The following GRM7 variants were observed in gnomAD, a reference collection of about 807,000 sequenced individuals.
The protein encoded by GRM7 is metabotropic glutamate receptor 7.
A neutral mutation model predicts 84.5 loss-of-function variants in GRM7; 35 were observed. That is an observed-to-expected ratio of 0.41 (90% CI 0.32 to 0.55). The LOEUF is 0.55. Ranked by LOEUF, GRM7 falls within the 20% of genes least tolerant of loss-of-function variation. GRM7 has a pLI of 0.19. For synonymous variants in GRM7, 487 were observed against 455.1 expected (o/e 1.07, Z -0.89); for missense variants, 1,003 against 1,194.6 (o/e 0.84, Z 2.36).
At chr3:7,540,768 C>G (rs906075249) in intron 7 of GRM7, among the ~76,000 whole-genome samples, 1 of 152,074 alleles carries the variant, frequency 6.6e-6, no homozygotes, top group Non-Finnish European at 1.5e-5. Context: ...AAAATAGACT[C>G]CCTGAGAAAT....
At chr3:7,586,805 C>T (rs1360923651) in intron 8 of GRM7, among the ~76,000 whole-genome samples, 1 of 152,136 alleles carries the variant, frequency 6.6e-6, no homozygotes, top group East Asian at 1.9e-4. Flanking sequence ...CAGACTCTGT[C>T]TCAAAAAAAC....
intron 1 of GRM7, among the ~76,000 whole-genome samples, chr3:7,000,048 T>G (rs1009089032): frequency 1.3e-5 from 2 of 152,326 alleles, no homozygotes; most frequent in Admixed American, 6.5e-5. Flanking sequence ...ATATGCTGTA[T>G]GAATATAACA....
intron 2 of GRM7, among the ~76,000 whole-genome samples, chr3:7,212,475 A>G (rs1696463791): frequency 6.6e-6 from 1 of 152,202 alleles, no homozygotes; most frequent in African/African-American, 2.4e-5. Context: ...CTTTGAAGAG[A>G]CATTAGTGAA....
At chr3:7,303,724 T>C (rs983686239) in intron 3 of GRM7, among the ~76,000 whole-genome samples, 52 of 152,136 alleles carry the variant, frequency 3.4e-4, no homozygotes, top group African/African-American at 1.1e-3. Flanking sequence ...CATATGTTCA[T>C]ATATAAGATT....
At chr3:7,085,427 A>T (rs1698420725) in intron 1 of GRM7, among the ~76,000 whole-genome samples, 1 of 152,198 alleles carries the variant, frequency 6.6e-6, no homozygotes, top group South Asian at 2.1e-4. Flanking sequence ...TTGGTATAGA[A>T]TTAAGAATGT....
intron 4 of GRM7, among the ~76,000 whole-genome samples, chr3:7,360,362 A>C (rs1425585013): frequency 6.7e-6 from 1 of 150,258 alleles, no homozygotes; most frequent in Non-Finnish European, 1.5e-5. Context: ...AAATTAGTAA[A>C]AAGTCATAAA....
At chr3:7,438,503 A>G (rs1481405027) in intron 5 of GRM7, among the ~76,000 whole-genome samples, 1 of 152,082 alleles carries the variant, frequency 6.6e-6, no homozygotes, top group Non-Finnish European at 1.5e-5. Context: ...CAAAAGTGCC[A>G]GAAGAGTTTC....
intron 1 of GRM7, among the ~76,000 whole-genome samples, chr3:6,984,050 G>A (rs1694307114): frequency 6.6e-6 from 1 of 152,148 alleles, no homozygotes; most frequent in Admixed American, 6.5e-5. Flanking sequence ...ATGACTTGAA[G>A]AACAAATCAA....
At chr3:6,893,204 A>G (rs1235714412) in intron 1 of GRM7, among the ~76,000 whole-genome samples, 1 of 152,132 alleles carries the variant, frequency 6.6e-6, no homozygotes, top group Non-Finnish European at 1.5e-5. Context: ...ATGACTGGAC[A>G]CTGGATCTGC....
intron 9 of GRM7, among the ~76,000 whole-genome samples, chr3:7,709,091 CT>C (rs3838615): frequency 0.12 from 17,575 of 151,936 alleles, 1,586 homozygotes; most frequent in African/African-American, 0.24. Context: ...AAAATCTCAA[CT>C]TTTTTGTGGT....
At chr3:7,018,185 T>G (rs1364496138) in intron 1 of GRM7, among the ~76,000 whole-genome samples, 2 of 152,250 alleles carry the variant, frequency 1.3e-5, no homozygotes, top group Non-Finnish European at 2.9e-5. Context: ...ATAACAAATA[T>G]TAAGAAGTAC....
intron 2 of GRM7, among the ~76,000 whole-genome samples, chr3:7,180,113 G>A (rs1695287846): frequency 6.6e-6 from 1 of 152,150 alleles, no homozygotes; most frequent in South Asian, 2.1e-4. Flanking sequence ...TGATGATATA[G>A]AAACAGTGCA....
At chr3:7,573,715 G>A (rs879497635) in intron 7 of GRM7, among the ~76,000 whole-genome samples, 1 of 152,164 alleles carries the variant, frequency 6.6e-6, no homozygotes, top group Non-Finnish European at 1.5e-5. Context: ...TTCTGTCTGA[G>A]TCAGAAGCAA....
At chr3:7,466,927 A>T (rs909493803) in intron 7 of GRM7, among the ~76,000 whole-genome samples, 2 of 152,210 alleles carry the variant, frequency 1.3e-5, no homozygotes, top group Non-Finnish European at 2.9e-5. Flanking sequence ...TGTTTTAGTC[A>T]TTGCTTGGAT....
At chr3:7,473,769 G>T (rs940450827) in intron 7 of GRM7, among the ~76,000 whole-genome samples, 2 of 152,154 alleles carry the variant, frequency 1.3e-5, no homozygotes, top group South Asian at 2.1e-4. Context: ...TGAGTGATCA[G>T]TATTTCAGAA....
intron 5 of GRM7, among the ~76,000 whole-genome samples, chr3:7,418,729 G>C (rs2125186331): frequency 6.6e-6 from 1 of 152,262 alleles, no homozygotes; most frequent in Middle Eastern, 3.4e-3. Context: ...TTACACAAAT[G>C]AAGTGACATC....
At chr3:7,711,282 G>C (rs1037722643) in intron 9 of GRM7, among the ~76,000 whole-genome samples, 1 of 152,124 alleles carries the variant, frequency 6.6e-6, no homozygotes, top group African/African-American at 2.4e-5. Flanking sequence ...TGATGAGAAG[G>C]CACAAACCAT....
chr3:7,462,719 A>G (rs1428165199), intron 7 of GRM7, among the ~76,000 whole-genome samples: 2 of 152,086 alleles, frequency 1.3e-5, no homozygotes, highest in Non-Finnish European at 2.9e-5. Flanking sequence ...CAGTTACCTC[A>G]TTTGCACAGA....
chr3:6,953,448 C>G (rs1258381162), intron 1 of GRM7, among the ~76,000 whole-genome samples: 1 of 152,212 alleles, frequency 6.6e-6, no homozygotes, highest in Non-Finnish European at 1.5e-5. Flanking sequence ...CATCTCTTGA[C>G]AAACATAAAG....
Sources: gnomAD v4.1 joint callset for allele counts (sites outside exome capture counted in the v4.1 genomes callset) on GRCh38, gnomAD v4.1.1 for gene constraint, MANE v1.5 for transcripts, NCBI Gene and HGNC (gene_info 2026-07-23, HGNC 2026-07-21) for gene names.